TSPAN16: variants seen among roughly 807,000 people sequenced by gnomAD.
TSPAN16 encodes tetraspanin-16.
TSPAN16 carries 23 observed loss-of-function variants against 25.2 expected under a neutral mutation model. The observed-to-expected ratio is 0.91, with a 90% CI of 0.66 to 1.29. TSPAN16 has a LOEUF of 1.29. Ranked by LOEUF, TSPAN16 falls within the 50% of genes most tolerant of loss-of-function variation. The pLI, the probability that TSPAN16 is intolerant of heterozygous loss-of-function variation, is 0.00. For synonymous variants in TSPAN16, 123 were observed against 124.4 expected, an observed-to-expected ratio of 0.99 and a Z score of 0.08; for missense variants, 272 against 299.9, an observed-to-expected ratio of 0.91 and a Z score of 0.69.
chr19:11,302,656 C>CAT, intron 4 of TSPAN16, among the ~76,000 whole-genome samples: 1 of 98,258 alleles, frequency 1.0e-5, no homozygotes, highest in African/African-American at 6.4e-5. Flanking sequence ...TATATATACA[C>CAT]ATACATATAT....
chr19:11,324,556 GTTAA>G (rs754850166), intron 6 of TSPAN16: 4 of 152,776 alleles, frequency 2.6e-5, no homozygotes, highest in East Asian at 3.9e-4. Flanking sequence ...TGGCTCTGAG[GTTAA>G]TTAACTTCTG....
intron 5 of TSPAN16, among the ~76,000 whole-genome samples, chr19:11,311,916 G>A (rs1029489767): frequency 1.3e-5 from 2 of 152,124 alleles, no homozygotes; most frequent in African/African-American, 4.8e-5. Flanking sequence ...GGAATCATCG[G>A]TATATTCTTT....
chr19:11,299,996 A>AAAAAAG (rs1431223157), intron 3 of TSPAN16, among the ~76,000 whole-genome samples: 25 of 151,772 alleles, frequency 1.6e-4, no homozygotes, highest in African/African-American at 6.0e-4. Flanking sequence ...AAAAAAAAAA[A>AAAAAAG]AAAAGAAAAG....
Position 11,296,174 on chromosome 19 carries a change from C to A in TSPAN16, c.-124C>A. On this transcript the variant is annotated 5_prime_UTR_variant, in exon 1 of 7. Transcript: ENST00000590327. ...GGACAACCATCAGGCAGCCAGGACA[C>A]AGAGGGGCAGAGCAAGTCAGCATTG... 1.0e-6 allele frequency: 1 copy of A among 1,001,678 alleles called. No homozygotes were observed. The highest frequency in any genetic ancestry group is 1.5e-6 in the Non-Finnish European group (1 of 662,156). The allele number at this position is 1,001,678 out of a possible 1,614,324, so 62.0% of individuals were successfully genotyped here. A position where few individuals can be genotyped will look rare whatever the true frequency, so the allele number is the denominator to read the frequency against.
chr19:11,311,047 G>A (rs970256748), intron 5 of TSPAN16, among the ~76,000 whole-genome samples: 30 of 152,044 alleles, frequency 2.0e-4, no homozygotes, highest in African/African-American at 6.3e-4. Context: ...ACGTTGTCCA[G>A]GTCAATCTCG....
At chr19:11,322,354 G>GA (rs111894199) in intron 6 of TSPAN16, 2,415 of 138,770 alleles carry the variant, frequency 0.017, 62 homozygotes, top group African/African-American at 0.057. Flanking sequence ...AAAAGAAGAA[G>GA]AAAAAAAAAA....
Position 11,298,309 on chromosome 19 carries a change from G to A in TSPAN16, c.237G>A (p.Ala79=), listed in dbSNP as rs982751807. The change falls in exon 2 of 7, where the codon GCG becomes GCA. Residue 79 remains alanine (A), a synonymous_variant. Coordinates refer to ENST00000590327, the MANE Select transcript of TSPAN16 (RefSeq NM_001282509.2). ...TTGGCTGTGCCGGGTGGTATGGAGC[G>A]ACTAAAGAGAGCAGAGGCACGCTCT... ...VLLGCAGWYG[A]TKESRGTLLF... The A allele has an allele frequency of 8.7e-6, 14 of 1,613,906 alleles. No homozygotes were observed. Among genetic ancestry groups the A allele is most frequent in the Middle Eastern group, 1.7e-4 (1 of 6,044 alleles).
intron 1 of TSPAN16, among the ~76,000 whole-genome samples, chr19:11,297,576 A>G (rs2080492789): frequency 6.6e-6 from 1 of 151,948 alleles, no homozygotes; most frequent in Non-Finnish European, 1.5e-5. Flanking sequence ...AGCTCACTGC[A>G]ACCTCCACCT....
At chr19:11,326,181 C>G (rs1190856264) in intron 6 of TSPAN16, among the ~76,000 whole-genome samples, 10 of 150,624 alleles carry the variant, frequency 6.6e-5, no homozygotes, top group Admixed American at 6.6e-4. Context: ...GAGATCACAC[C>G]ACTGTACTCC....
chr19:11,300,377 C>A (rs1208652484), intron 3 of TSPAN16, among the ~76,000 whole-genome samples: 1 of 152,142 alleles, frequency 6.6e-6, no homozygotes, highest in Non-Finnish European at 1.5e-5. Flanking sequence ...TATTGATCCA[C>A]CAACTCCAAC....
chr19:11,319,598 AAAAC>A (rs1329956096), downstream of TSPAN16, among the ~76,000 whole-genome samples: 4 of 151,638 alleles, frequency 2.6e-5, 1 homozygote, highest in East Asian at 2.0e-4. Flanking sequence ...ACTCTGTCTC[AAAAC>A]AAACAAAACA....
intron 5 of TSPAN16, chr19:11,307,852 C>T (rs2080646465): frequency 6.6e-6 from 1 of 152,214 alleles, no homozygotes; most frequent in Non-Finnish European, 1.5e-5. Flanking sequence ...TTACGGTTAC[C>T]TTCTCTCAGA....
intron 4 of TSPAN16, among the ~76,000 whole-genome samples, chr19:11,305,350 C>T (rs1005562129): frequency 6.6e-6 from 1 of 151,386 alleles, no homozygotes. Context: ...GCCAACATAG[C>T]GAAACCCCGT....
Position 11,306,662 on chromosome 19 carries a change from C to T in TSPAN16, c.509C>T (p.Thr170Ile). 1.2e-6 allele frequency: 2 copies of T among 1,613,994 alleles called. No homozygotes were observed. The highest frequency in any genetic ancestry group is 1.7e-6 in the Non-Finnish European group (2 of 1,180,034). ...TTTTCTGGCTCTTCCTTCGAAATGA[C>T]AACGGGCCACACCTACCCCAGGAGT... ...TDFSGSSFEM[T>I]TGHTYPRSCC... The change falls in exon 5 of 7, where the codon ACA becomes ATA. Residue 170 changes from threonine (T) to isoleucine (I), a missense_variant. Thr to Ile is a moderately conservative substitution (Grantham distance 89, BLOSUM62 -1). Transcript: ENST00000590327.
intron 4 of TSPAN16, among the ~76,000 whole-genome samples, chr19:11,306,379 G>A (rs1438763450): frequency 1.3e-5 from 2 of 151,668 alleles, no homozygotes; most frequent in Admixed American, 6.6e-5. Context: ...TTTTTTTGCC[G>A]AGATGGGGTC....
intron 6 of TSPAN16, among the ~76,000 whole-genome samples, chr19:11,321,781 A>C (rs1027152123): frequency 2.5e-4 from 38 of 152,278 alleles, no homozygotes; most frequent in African/African-American, 9.1e-4. Flanking sequence ...TAAGCAGAGG[A>C]GGAATGCGCT....
rs747970700 is a variant in TSPAN16 at position 11,325,627 on chromosome 19, G to GC, written c.688-1167_688-1166insC. 1.8e-5 allele frequency: 25 copies of GC among 1,405,040 alleles called. No individual in the cohort carries two copies. In the African/African-American group the frequency reaches 7.4e-4, roughly 42 times the overall value. The allele number at this position is 1,405,040 out of a possible 1,614,324, so 87.0% of individuals were successfully genotyped here. ...GTGGGGACACTCGTAAGACCCCTGA[G>GC]GGCAGAGTCTCAGCTGTGGCATCAC... On this transcript the variant is annotated intron_variant, in intron 6 of 6. Coordinates refer to the TSPAN16 transcript ENST00000316737.
At chr19:11,299,163 C>A (rs1176541987) in intron 3 of TSPAN16, among the ~76,000 whole-genome samples, 1 of 151,974 alleles carries the variant, frequency 6.6e-6, no homozygotes, top group Non-Finnish European at 1.5e-5. Context: ...CACTTGTAAT[C>A]CAGCTACTCA....
At chr19:11,296,401 G>A (rs1464819786) in intron 1 of TSPAN16, 35 bp downstream of exon 1, 3 of 1,603,628 alleles carry the variant, frequency 1.9e-6, no homozygotes, top group Non-Finnish European at 2.6e-6. Flanking sequence ...CTGGTTTGTT[G>A]CAGCCCTTCC....
Sources: gnomAD v4.1 joint callset for allele counts (sites outside exome capture counted in the v4.1 genomes callset) on GRCh38, gnomAD v4.1.1 for gene constraint, MANE v1.5 for transcripts, NCBI Gene and HGNC (gene_info 2026-07-23, HGNC 2026-07-21) for gene names.